The following RGS7 variants were observed in gnomAD, a reference collection of about 807,000 sequenced individuals.
The protein encoded by RGS7 is regulator of G protein signaling 7.
Under a neutral mutation model 81.1 loss-of-function variants are expected in RGS7, and 27 were observed. The observed-to-expected ratio is 0.33, with a 90% CI of 0.25 to 0.46. The LOEUF (loss-of-function observed/expected upper bound fraction) is 0.46, where lower values mean the gene tolerates loss of function less well. Among genes scored for constraint, RGS7 ranks in the 20% least tolerant of loss-of-function variants. RGS7 has a pLI of 1.00. For synonymous variants in RGS7, 208 were observed against 207.7 expected (o/e 1.00, Z -0.01); for missense variants, 396 against 607.4 (o/e 0.65, Z 3.66).
intron 2 of RGS7, among the ~76,000 whole-genome samples, chr1:241,265,024 C>A (rs1573418136): frequency 6.6e-6 from 1 of 152,296 alleles, no homozygotes; most frequent in East Asian, 1.9e-4. Context: ...TGAGTGGCGG[C>A]CTTCAGTTCC....
chr1:240,793,230 C>T (rs1572105868), intron 18 of RGS7, among the ~76,000 whole-genome samples: 2 of 152,068 alleles, frequency 1.3e-5, no homozygotes, highest in African/African-American at 4.8e-5. Flanking sequence ...AGAACTTGAG[C>T]AGCAACTTAA....
At chr1:241,254,957 C>T (rs993507823) in intron 2 of RGS7, among the ~76,000 whole-genome samples, 4 of 152,176 alleles carry the variant, frequency 2.6e-5, no homozygotes, top group Non-Finnish European at 5.9e-5. Context: ...GGGCAAGTAT[C>T]CCATCCAACC....
intron 4 of RGS7, among the ~76,000 whole-genome samples, chr1:240,981,573 G>A (rs1052621163): frequency 3.9e-5 from 6 of 152,144 alleles, no homozygotes; most frequent in Admixed American, 6.6e-5. Context: ...AAACAGGCAT[G>A]CCACTGAAGT....
chr1:240,876,411 A>G (rs1260714197), intron 6 of RGS7, among the ~76,000 whole-genome samples: 1 of 152,166 alleles, frequency 6.6e-6, no homozygotes, highest in East Asian at 1.9e-4. Flanking sequence ...AGCAGAAAGC[A>G]ATTACTGGGA....
intron 2 of RGS7, among the ~76,000 whole-genome samples, chr1:241,310,973 G>A (rs2080492724): frequency 6.6e-6 from 1 of 152,186 alleles, no homozygotes; most frequent in South Asian, 2.1e-4. Context: ...ATGGAAGACA[G>A]AGGACTGGAT....
At chr1:241,171,481 T>C (rs555865672) in intron 2 of RGS7, among the ~76,000 whole-genome samples, 1 of 152,308 alleles carries the variant, frequency 6.6e-6, no homozygotes, top group African/African-American at 2.4e-5. Flanking sequence ...TTCAATAGAC[T>C]CATTTATTGA....
In RGS7 at chr1:240,887,542, T is replaced by A. The variant is rs192675512; in HGVS notation, c.386-17423A>T. Among the ~76,000 whole-genome samples, 504 of 152,292 alleles carry A rather than the reference T, an allele frequency of 3.3e-3. 4 individuals carry two copies. Among genetic ancestry groups the A allele is most frequent in the African/African-American group, 0.012 (486 of 41,558 alleles). ...TATAGTTTTATATAGAGTTCTTTTTTAAGTGAGATACCACAGGGTTGGACC... is the reference window on the plus strand; with the variant it reads ...TATAGTTTTATATAGAGTTCTTTTTAAAGTGAGATACCACAGGGTTGGACC... On this transcript the variant is annotated intron_variant, in intron 6 of 18. Transcript: ENST00000440928.
At chr1:240,953,459 T>C (rs1679879754) in intron 4 of RGS7, among the ~76,000 whole-genome samples, 1 of 151,812 alleles carries the variant, frequency 6.6e-6, no homozygotes, top group Non-Finnish European at 1.5e-5. Context: ...CTCCAACTAT[T>C]TGGAAATTAA....
At chr1:240,915,778 T>A (rs1183565516) in intron 6 of RGS7, among the ~76,000 whole-genome samples, 1 of 151,978 alleles carries the variant, frequency 6.6e-6, no homozygotes, top group Admixed American at 6.5e-5. Context: ...ATGGAAAATA[T>A]ATGGGAATCA....
chr1:240,991,386 A>G (rs1325492984), intron 3 of RGS7, among the ~76,000 whole-genome samples: 1 of 152,218 alleles, frequency 6.6e-6, no homozygotes, highest in Non-Finnish European at 1.5e-5. Flanking sequence ...GACCACCCTC[A>G]GGATTATTTC....
rs764819020 is a variant in RGS7 at position 240,813,694 on chromosome 1, C to T, written c.880G>A (p.Asp294Asn). Residue 294 changes from aspartate (D) to asparagine (N), a missense_variant, in exon 13 of 19, where the codon GAC becomes AAC. Asp to Asn is a conservative substitution (Grantham distance 23, BLOSUM62 1). Transcript: ENST00000440928. ...LSYTEQYLEY[D>N]PFLLPPDPSN... ...GGGTCAGGTGGCAAAAGAAACGGGT[C>T]GTATTCTAAATACTGTTCCGTGTAA... is the stretch of plus-strand genomic sequence containing the variant. 1.2e-6 allele frequency: 2 copies of T among 1,613,368 alleles called. No individual in the cohort carries two copies. Among genetic ancestry groups the T allele is most frequent in the Non-Finnish European group, 1.7e-6 (2 of 1,179,400 alleles).
At chr1:240,842,076 G>A (rs1472677544) in intron 9 of RGS7, among the ~76,000 whole-genome samples, 1 of 151,820 alleles carries the variant, frequency 6.6e-6, no homozygotes, top group Non-Finnish European at 1.5e-5. Flanking sequence ...CACAGAATAT[G>A]CAAAGCACAT....
At chr1:241,072,302 A>G (rs1046207401) in intron 3 of RGS7, among the ~76,000 whole-genome samples, 11 of 152,222 alleles carry the variant, frequency 7.2e-5, no homozygotes, top group Admixed American at 6.5e-4. Flanking sequence ...GCAAGACTCA[A>G]TGGCGTTGGA....
At chr1:240,989,827 T>C (rs959083346) in intron 3 of RGS7, among the ~76,000 whole-genome samples, 13 of 152,086 alleles carry the variant, frequency 8.5e-5, no homozygotes, top group Non-Finnish European at 4.4e-5. Context: ...CATAAACTTA[T>C]CAAAGAAGGA....
At chr1:241,047,625 G>C (rs2061003971) in intron 3 of RGS7, among the ~76,000 whole-genome samples, 1 of 151,044 alleles carries the variant, frequency 6.6e-6, no homozygotes, top group Non-Finnish European at 1.5e-5. Context: ...TTACTAAATT[G>C]AAAGGAAATG....
intron 6 of RGS7, among the ~76,000 whole-genome samples, chr1:240,900,579 G>T (rs1041999093): frequency 2.0e-5 from 3 of 152,090 alleles, no homozygotes; most frequent in African/African-American, 7.2e-5. Context: ...TGTTTGCCTG[G>T]GTATCACCAG....
rs1663939192 is a variant in RGS7, at chr1:240,868,736, C to T, written c.527+40G>A. Reference sequence around the variant, plus strand: ...AGTGCCTCTCTGAACAAAAAGGCCACAACTGGAACAAATCTTCCAAACGAC... The same window carrying T: ...AGTGCCTCTCTGAACAAAAAGGCCATAACTGGAACAAATCTTCCAAACGAC... On this transcript the variant is annotated intron_variant, in intron 8 of 18. Transcript: ENST00000440928. The surrounding 1 kb of genome is among the most constrained non-coding windows in gnomAD (Gnocchi z 5.1). The T allele has an allele frequency of 1.2e-6, 2 of 1,612,224 alleles. No individual in the cohort carries two copies. The highest frequency in any genetic ancestry group is 1.6e-4 in the Middle Eastern group (1 of 6,080).
chr1:241,187,202 G>A lies in RGS7; in HGVS notation c.79-88440C>T, dbSNP rs150542124. Reference sequence around the variant, plus strand: ...GAAGGAGTGAAAAGAGAAAAAGGGAGAGTGTAGTGTTACATAAAATCTCAA... The same window carrying A: ...GAAGGAGTGAAAAGAGAAAAAGGGAAAGTGTAGTGTTACATAAAATCTCAA... On this transcript the variant is annotated intron_variant, in intron 2 of 18. Coordinates refer to ENST00000440928, the MANE Select transcript of RGS7 (RefSeq NM_001364886.1). Among the ~76,000 whole-genome samples, 568 of 152,200 alleles carry A rather than the reference G, an allele frequency of 3.7e-3. 3 individuals carry two copies. The highest frequency in any genetic ancestry group is 4.5e-3 in the Non-Finnish European group (308 of 68,024).
intron 18 of RGS7, among the ~76,000 whole-genome samples, chr1:240,790,731 G>A (rs1028035033): frequency 2.4e-4 from 37 of 152,162 alleles, no homozygotes; most frequent in African/African-American, 6.5e-4. Context: ...ATTTGTCACT[G>A]AGCCTACAGA....
Sources: allele counts gnomAD v4.1 joint callset (sites outside exome capture counted in the v4.1 genomes callset), GRCh38; gene constraint gnomAD v4.1.1; non-coding constraint Gnocchi (gnomAD v3.1); transcripts MANE v1.5; gene names NCBI Gene and HGNC (gene_info 2026-07-23, HGNC 2026-07-21).